The following ERN2 variants were observed in gnomAD, a reference collection of about 807,000 sequenced individuals.
The protein encoded by ERN2 is endoplasmic reticulum to nucleus signaling 2, also known as serine/threonine-protein kinase/endoribonuclease IRE2.
In ERN2, 111 loss-of-function variants were observed where a neutral mutation model predicts 107.9. That is an observed-to-expected ratio of 1.03 (90% confidence interval 0.88 to 1.20). ERN2 has a LOEUF of 1.20. ERN2 is among the 50% of genes most tolerant of loss of function. The pLI is 0.00. For missense variants in ERN2, 1,225 were observed against 1,197.9 expected, an observed-to-expected ratio of 1.02 and a Z score of -0.33; for synonymous variants, 524 against 501.7, an observed-to-expected ratio of 1.04 and a Z score of -0.59.
At position 23,705,084 on chromosome 16, in the gene ERN2, G is replaced by C; in HGVS notation, c.653C>G (p.Thr218Arg). ...GCCCAGGTCCTGTGTCCACAGCACCGTCCCGCTTCCTGGGTCCACAGTGAG... is the reference window on the plus strand; with the variant it reads ...GCCCAGGTCCTGTGTCCACAGCACCCTCCCGCTTCCTGGGTCCACAGTGAG... ...LLLTVDPGSGTVLWTQDLGVP... is the reference protein window; with the variant it reads ...LLLTVDPGSGRVLWTQDLGVP... Residue 218 changes from threonine to arginine, a missense_variant, in exon 8 of 22, where the codon ACG becomes AGG. By Grantham distance (71) the Thr-to-Arg change is moderately conservative (BLOSUM62 -1). Coordinates refer to ENST00000256797, the MANE Select transcript of ERN2 (RefSeq NM_033266.4). The C allele has an allele frequency of 1.9e-6, 3 of 1,613,936 alleles. No homozygotes were observed. Among genetic ancestry groups the C allele is most frequent in the South Asian group, 1.1e-5 (1 of 91,072 alleles).
intron 11 of ERN2, 56 bp downstream of exon 11, chr16:23,702,096 T>G (rs1960094319): frequency 6.4e-7 from 1 of 1,562,028 alleles, no homozygotes; most frequent in African/African-American, 1.4e-5. Flanking sequence ...CCAAGGGCTA[T>G]TCCCCCCATC....
At chr16:23,694,963 A>G in intron 16 of ERN2, 36 bp from the exon 17 acceptor site, 3 of 1,613,678 alleles carry the variant, frequency 1.9e-6, no homozygotes, top group Non-Finnish European at 2.5e-6. Context: ...CTGGTTGCTG[A>G]GGGCGGAAGG....
At chr16:23,710,892 G>C (rs1374383259) in intron 2 of ERN2, 21 bp downstream of exon 2, 17 of 1,548,890 alleles carry the variant, frequency 1.1e-5, no homozygotes, top group Non-Finnish European at 1.4e-5. Flanking sequence ...AAGGAGGGAG[G>C]AGGGACCACC....
intron 17 of ERN2, among the ~76,000 whole-genome samples, chr16:23,694,244 G>C (rs1411591002): frequency 2.0e-5 from 3 of 152,202 alleles, no homozygotes; most frequent in Non-Finnish European, 2.9e-5. Flanking sequence ...CAATCTGCCT[G>C]CCTCGGCCTC....
Position 23,701,118 on chromosome 16 carries a change from G to A in ERN2, c.1204-4C>T, listed in dbSNP as rs766262302. 1.9e-6 allele frequency: 3 copies of A among 1,612,090 alleles called. No homozygotes were observed. The highest frequency in any genetic ancestry group is 1.7e-6 in the Non-Finnish European group (2 of 1,179,316). The stretch of plus-strand genomic sequence containing the variant: ...TCTCTCGGCTCAGGCTCAATAGCTG[G>A]GGATAAAGGGCCCTTCACTTTTAGC... On this transcript the variant is annotated splice_polypyrimidine_tract_variant and splice_region_variant and intron_variant, in intron 11 of 21. Coordinates refer to ENST00000256797, the MANE Select transcript of ERN2 (RefSeq NM_033266.4).
chr16:23,700,314 G>A lies in ERN2; in HGVS notation c.1525+225C>T, dbSNP rs147340298. Among the ~76,000 whole-genome samples the A allele has an allele frequency of 4.2e-3, 646 of 152,230 alleles. 3 individuals carry two copies. Among genetic ancestry groups the A allele is most frequent in the African/African-American group, 0.015 (604 of 41,524 alleles). ...ATTGTGCCACTGTACTCCAGCCTGGGCAACAGAGCAAGATCCTGTCTCCAA... is the reference window on the plus strand; with the variant it reads ...ATTGTGCCACTGTACTCCAGCCTGGACAACAGAGCAAGATCCTGTCTCCAA... On this transcript the variant is annotated intron_variant, in intron 13 of 21. Transcript: ENST00000256797.
chr16:23,690,754 C>G lies in ERN2; in HGVS notation c.*77G>C. 1 of 1,237,500 alleles carries G rather than the reference C, an allele frequency of 8.1e-7. No individual in the cohort carries two copies. The allele number at this position is 1,237,500 out of a possible 1,614,324, so 76.7% of individuals were successfully genotyped here. On this transcript the variant is annotated 3_prime_UTR_variant, in exon 22 of 22. Transcript: ENST00000256797. ...ACAGGTGTGAGCCACTGCACCCAGC[C>G]TGATTCTGAGGCCAGCCACAGGCTC...
chr16:23,709,086 TA>T (rs1402853375), intron 4 of ERN2: 1 of 433,246 alleles, frequency 2.3e-6, no homozygotes, highest in African/African-American at 2.0e-5. Flanking sequence ...TTCACCTTCC[TA>T]AATCATATAC....
At chr16:23,706,243 G>T in intron 7 of ERN2, 87 bp downstream of exon 7, 1 of 919,588 alleles carries the variant, frequency 1.1e-6, no homozygotes, top group African/African-American at 1.7e-5. Flanking sequence ...GTCGAAATGT[G>T]GCTGGGAATT....
rs1960510111 is a variant in ERN2, at chr16:23,710,808, G to A, written c.199+105C>T. ...GCAGTGAAGCTGCCTGTAGATACCA[G>A]CTTATTGGATTCTAGAGCCCATGTT... On this transcript the variant is annotated intron_variant, in intron 2 of 21. Coordinates refer to ENST00000256797, the MANE Select transcript of ERN2 (RefSeq NM_033266.4). The A allele has an allele frequency of 3.2e-6, 3 of 942,924 alleles. No homozygotes were observed. The South Asian group carries it at 4.4e-5, about 14-fold the overall frequency. The allele number at this position is 942,924 out of a possible 1,614,324, so 58.4% of individuals were successfully genotyped here. A position where few individuals can be genotyped will look rare whatever the true frequency, so the allele number is the denominator to read the frequency against.
Position 23,702,155 on chromosome 16 carries a change from CAAG to C in ERN2, c.1197_1199del (p.Phe399del), listed in dbSNP as rs1306126388. The C allele has an allele frequency of 1.6e-5, 26 of 1,613,058 alleles. No individual in the cohort carries two copies. Among genetic ancestry groups the C allele is most frequent in the Non-Finnish European group, 2.2e-5 (26 of 1,179,720 alleles). On this transcript the variant is annotated inframe_deletion, in exon 11 of 22. Coordinates refer to ENST00000256797, the MANE Select transcript of ERN2 (RefSeq NM_033266.4). ...TCTCTCCCCTCCCAGCACTGACCTC[CAAG>C]AAGAAGGCTGGGGCCTGGGTATTCT...
chr16:23,705,168 G>A, intron 7 of ERN2, 21 bp from the exon 8 acceptor site: 2 of 1,608,578 alleles, frequency 1.2e-6, no homozygotes, highest in Non-Finnish European at 1.7e-6. Context: ...AGGTGGCTGG[G>A]GAGATGTGGT....
In ERN2 at chr16:23,694,845, GAA is replaced by G. The variant is rs745718906; in HGVS notation, c.1981_1982del (p.Phe661ArgfsTer12). 5 of 1,614,064 alleles carry G rather than the reference GAA, an allele frequency of 3.1e-6. No homozygotes were observed. Among genetic ancestry groups the G allele is most frequent in the Non-Finnish European group, 3.4e-6 (4 of 1,180,022 alleles). On this transcript the variant is annotated frameshift_variant, in exon 17 of 22. Coordinates refer to ENST00000256797, the MANE Select transcript of ERN2 (RefSeq NM_033266.4). LOFTEE classifies it high-confidence loss of function. Reference protein sequence around the residue: ...QGLGRVVLSDFGLCKKLPAGR... With the variant: ...QGLGRVVLSDXGLCKKLPAGR... ...CAGCAGGCAGCTTCTTGCAGAGGCC[GAA>G]GTCTGAGAGCACCACTCTGCCCAGG...
At chr16:23,707,441 A>G (rs932164573) in intron 4 of ERN2, 1 of 315,292 alleles carries the variant, frequency 3.2e-6, no homozygotes, top group Non-Finnish European at 6.1e-6. Context: ...TGGGGCAGGC[A>G]TGGTGGCTCA....
chr16:23,706,627 G>T (rs2141020226), intron 6 of ERN2, 127 bp downstream of exon 6: 2 of 784,060 alleles, frequency 2.6e-6, no homozygotes, highest in East Asian at 2.5e-5. Context: ...TCAGTGCTCT[G>T]TAGAATGTTT....
chr16:23,705,836 C>T (rs1244817401), intron 7 of ERN2, among the ~76,000 whole-genome samples: 3 of 152,088 alleles, frequency 2.0e-5, no homozygotes, highest in Non-Finnish European at 4.4e-5. Context: ...ATCACTTCAG[C>T]CCAGGAGTTG....
rs779931527 is a variant in ERN2, at chr16:23,702,280, T to TG, written c.1082-8dup. ...GGGGGTAGCTCGTGGTGTCCTAAGG[T>TG]GGGGGGCAAAAGTCATCAGGCTGAA... On this transcript the variant is annotated splice_region_variant and splice_polypyrimidine_tract_variant and intron_variant, in intron 10 of 21. Coordinates refer to ENST00000256797, the MANE Select transcript of ERN2 (RefSeq NM_033266.4). The TG allele has an allele frequency of 5.6e-6, 9 of 1,613,584 alleles. No individual in the cohort carries two copies. Among genetic ancestry groups the TG allele is most frequent in the South Asian group, 1.1e-5 (1 of 91,022 alleles).
Position 23,692,217 on chromosome 16 carries a change from G to C in ERN2, c.2215C>G (p.Pro739Ala), listed in dbSNP as rs778909940. 94 of 1,614,038 alleles carry C rather than the reference G, an allele frequency of 5.8e-5. No individual in the cohort carries two copies. The highest frequency in any genetic ancestry group is 7.5e-5 in the Non-Finnish European group (89 of 1,180,030). ...YRQANILTGA[P>A]CLAHLEEEVH... ...TCTTCCTCCAGGTGAGCCAGACAGG[G>C]AGCCCCTGTGAGGATGTTTGCCTGG... Residue 739 changes from proline (P) to alanine (A), a missense_variant, in exon 18 of 22, where the codon CCC becomes GCC. By Grantham distance (27) the Pro-to-Ala change is conservative (BLOSUM62 -1). Coordinates refer to ENST00000256797, the MANE Select transcript of ERN2 (RefSeq NM_033266.4).
At position 23,694,737 on chromosome 16, in the gene ERN2, TG is replaced by T. The variant is rs1369452316; in HGVS notation, c.2090del (p.Pro697GlnfsTer66). 1.8e-5 allele frequency: 29 copies of T among 1,606,448 alleles called. No individual in the cohort carries two copies. Among genetic ancestry groups the T allele is most frequent in the Non-Finnish European group, 2.3e-5 (27 of 1,177,940 alleles). On this transcript the variant is annotated frameshift_variant, in exon 17 of 22. Coordinates refer to ENST00000256797, the MANE Select transcript of ERN2 (RefSeq NM_033266.4). LOFTEE classifies it high-confidence loss of function. ...MAPELLQLLPPDSPTSAVDIF... is the reference protein window; with the variant it reads ...MAPELLQLLPXDSPTSAVDIF... ...TGGTGGATAGACTCACAGGACTGTCTGGTGGCAGGAGCTGCAGAAGCTCGGG... is the reference window on the plus strand; with the variant it reads ...TGGTGGATAGACTCACAGGACTGTCTGTGGCAGGAGCTGCAGAAGCTCGGG...
Sources: allele counts gnomAD v4.1 joint callset (sites outside exome capture counted in the v4.1 genomes callset), GRCh38; gene constraint gnomAD v4.1.1; transcripts MANE v1.5; gene names NCBI Gene and HGNC (gene_info 2026-07-23, HGNC 2026-07-21).